The following TMEM154 variants were observed in gnomAD, a reference collection of about 807,000 sequenced individuals.
TMEM154 encodes transmembrane protein 154.
In TMEM154, 27 loss-of-function variants were observed where a neutral mutation model predicts 24.5. The ratio of observed to expected loss-of-function variants is 1.10; its 90% CI spans 0.81 to 1.52. TMEM154 has a LOEUF of 1.52. Ranked by LOEUF, TMEM154 falls within the 40% of genes most tolerant of loss-of-function variation. The probability of loss-of-function intolerance (pLI) is 0.00; values close to 1 mark genes in which losing one functional copy is unlikely to be tolerated. For synonymous variants in TMEM154, 67 were observed against 76.8 expected, an observed-to-expected ratio of 0.87 and a Z score of 0.67; for missense variants, 228 against 213.4, an observed-to-expected ratio of 1.07 and a Z score of -0.43.
At chr4:152,650,366 A>G (rs1040513123) in intron 3 of TMEM154, among the ~76,000 whole-genome samples, 23 of 150,544 alleles carry the variant, frequency 1.5e-4, no homozygotes, top group African/African-American at 4.4e-4. Context: ...AGTAGATTCC[A>G]TCTCAAAAAA....
intron 1 of TMEM154, among the ~76,000 whole-genome samples, chr4:152,659,005 T>G (rs774871157): frequency 3.9e-5 from 6 of 152,154 alleles, no homozygotes; most frequent in Non-Finnish European, 7.3e-5. Flanking sequence ...TCAATCTCAC[T>G]ACTGGGTATT....
intron 1 of TMEM154, 65 bp downstream of exon 1, chr4:152,679,805 G>C: frequency 6.4e-7 from 1 of 1,565,026 alleles, no homozygotes; most frequent in East Asian, 2.3e-5. Flanking sequence ...GAGTTCTGTA[G>C]CCTCGGGCAC....
chr4:152,656,902 G>T (rs1227181017), intron 1 of TMEM154, among the ~76,000 whole-genome samples: 1 of 151,586 alleles, frequency 6.6e-6, no homozygotes, highest in Non-Finnish European at 1.5e-5. Flanking sequence ...GCCATGAGAG[G>T]ATACAGAAAA....
Position 152,624,884 on chromosome 4 carries a change from C to G in TMEM154, c.*3662G>C, listed in dbSNP as rs1751892394. The stretch of plus-strand genomic sequence containing the variant: ...CTGTTATAGCTATTAAATGGAAACC[C>G]CAGAATTCATCCTGAATGTCTCTGA... On this transcript the variant is annotated 3_prime_UTR_variant, in exon 7 of 7. Transcript: ENST00000304385. The G allele has an allele frequency of 6.6e-6, 1 of 152,184 alleles. No homozygotes were observed. The highest frequency in any genetic ancestry group is 1.5e-5 in the Non-Finnish European group (1 of 68,026). 9.4% of individuals were successfully genotyped at this position (152,184 alleles called of 1,614,324 possible). A position where few individuals can be genotyped will look rare whatever the true frequency, so the allele number is the denominator to read the frequency against.
At chr4:152,654,250 C>A (rs1193191103) in intron 1 of TMEM154, among the ~76,000 whole-genome samples, 1 of 152,120 alleles carries the variant, frequency 6.6e-6, no homozygotes, top group Admixed American at 6.6e-5. Flanking sequence ...TAAGTTGATG[C>A]TACAGAAAAC....
chr4:152,654,756 C>A (rs547371818), intron 1 of TMEM154, among the ~76,000 whole-genome samples: 1 of 152,314 alleles, frequency 6.6e-6, no homozygotes, highest in African/African-American at 2.4e-5. Flanking sequence ...CTTCTAGCAC[C>A]TTTGATCTTG....
intron 1 of TMEM154, among the ~76,000 whole-genome samples, chr4:152,659,883 A>T (rs1426500588): frequency 1.3e-5 from 2 of 152,218 alleles, no homozygotes; most frequent in Non-Finnish European, 2.9e-5. Flanking sequence ...CTAGTAATAA[A>T]ATAGAACAAT....
intron 1 of TMEM154, among the ~76,000 whole-genome samples, chr4:152,667,685 A>G (rs191294814): frequency 7.9e-5 from 12 of 152,370 alleles, no homozygotes; most frequent in Admixed American, 6.5e-4. Context: ...TTGAAGATTA[A>G]TGGCAGCTTG....
intron 6 of TMEM154, among the ~76,000 whole-genome samples, chr4:152,635,702 G>C (rs531708648): frequency 6.6e-6 from 1 of 152,210 alleles, no homozygotes; most frequent in East Asian, 1.9e-4. Flanking sequence ...ATAAACTATA[G>C]AATAAACAGT....
intron 3 of TMEM154, chr4:152,647,190 G>A (rs975032034): frequency 3.1e-6 from 3 of 977,092 alleles, no homozygotes; most frequent in Admixed American, 1.3e-4. Context: ...CTACCCAAGT[G>A]CAGTAAGAAA....
chr4:152,644,737 T>C (rs1752323436), intron 3 of TMEM154, among the ~76,000 whole-genome samples: 1 of 152,194 alleles, frequency 6.6e-6, no homozygotes, highest in Non-Finnish European at 1.5e-5. Flanking sequence ...AGGAAAACAT[T>C]GGTAAGGAAA....
chr4:152,652,819 A>G lies in TMEM154; in HGVS notation c.173T>C (p.Leu58Ser), dbSNP rs1265984919. ...TFAAVTIKET[L>S]NANINSTNFA... ...GTTGGTAGAATTTATATTTGCATTT[A>G]ATGTTTCTTTGATGGTCACTGCAGC... Residue 58 changes from leucine to serine, a missense_variant, in exon 2 of 7, where the codon TTA (leucine) becomes TCA (serine). Leu to Ser is a moderately radical substitution (Grantham distance 145). Coordinates refer to ENST00000304385, the MANE Select transcript of TMEM154 (RefSeq NM_152680.3). 4.3e-6 allele frequency: 7 copies of G among 1,613,914 alleles called. No individual in the cohort carries two copies. Among genetic ancestry groups the G allele is most frequent in the Non-Finnish European group, 5.1e-6 (6 of 1,179,980 alleles).
intron 5 of TMEM154, among the ~76,000 whole-genome samples, chr4:152,641,770 G>A (rs1413351730): frequency 6.8e-6 from 1 of 146,562 alleles, no homozygotes; most frequent in South Asian, 2.2e-4. Context: ...TCAATGACCC[G>A]CCCCATCCTC....
At chr4:152,650,389 CTT>C (rs1327884747) in intron 3 of TMEM154, among the ~76,000 whole-genome samples, 1 of 151,906 alleles carries the variant, frequency 6.6e-6, no homozygotes, top group African/African-American at 2.4e-5. Flanking sequence ...AAACAAAACT[CTT>C]TGTTCATTCA....
intron 6 of TMEM154, among the ~76,000 whole-genome samples, chr4:152,631,493 G>A (rs1314554017): frequency 6.6e-6 from 1 of 152,060 alleles, no homozygotes; most frequent in Non-Finnish European, 1.5e-5. Context: ...GAGTGCAGTG[G>A]CAAGATCTTA....
At chr4:152,645,372 G>T (rs1023951137) in intron 3 of TMEM154, among the ~76,000 whole-genome samples, 1 of 152,188 alleles carries the variant, frequency 6.6e-6, no homozygotes, top group Non-Finnish European at 1.5e-5. Flanking sequence ...TTTAGTTCCT[G>T]TTGGTTGAGG....
At chr4:152,647,134 T>C in intron 3 of TMEM154, 1 of 1,476,376 alleles carries the variant, frequency 6.8e-7, no homozygotes, top group Middle Eastern at 1.7e-4. Flanking sequence ...TCTCCCATTG[T>C]CAAATTTAAA....
At chr4:152,637,404 G>T (rs975782859) in intron 6 of TMEM154, among the ~76,000 whole-genome samples, 1 of 152,112 alleles carries the variant, frequency 6.6e-6, no homozygotes, top group Non-Finnish European at 1.5e-5. Flanking sequence ...AATTAGCCAG[G>T]CGTGGTGGTG....
At chr4:152,629,925 T>C (rs1342989032) in intron 6 of TMEM154, among the ~76,000 whole-genome samples, 2 of 152,122 alleles carry the variant, frequency 1.3e-5, no homozygotes, top group Non-Finnish European at 2.9e-5. Flanking sequence ...TTTGTTCATG[T>C]TGTGAAGACA....
Sources: gnomAD v4.1 joint callset for allele counts (sites outside exome capture counted in the v4.1 genomes callset) on GRCh38, gnomAD v4.1.1 for gene constraint, MANE v1.5 for transcripts, NCBI Gene and HGNC (gene_info 2026-07-23, HGNC 2026-07-21) for gene names.